The following SERPINB6 variants were observed in gnomAD, a reference collection of about 807,000 sequenced individuals.
SERPINB6 encodes serpin family B member 6, also known as serpin B6.
A neutral mutation model predicts 26.1 loss-of-function variants in SERPINB6; 16 were observed. The observed-to-expected ratio is 0.61, with a 90% confidence interval of 0.42 to 0.93. SERPINB6 has a LOEUF of 0.93. Ranked by LOEUF, SERPINB6 falls within the 40% of genes least tolerant of loss-of-function variation. SERPINB6 has a pLI of 0.00. For synonymous variants in SERPINB6, 174 were observed against 176.6 expected (o/e 0.99, Z 0.11); for missense variants, 420 against 478.0 (o/e 0.88, Z 1.13).
At chr6:2,971,666 A>C (rs2113382496), upstream of SERPINB6, 1 of 152,024 alleles carries the variant, frequency 6.6e-6, no homozygotes, top group Non-Finnish European at 1.5e-5. Context: ...GCGAAGGGAG[A>C]GGCGGGGCGG....
intron 1 of SERPINB6, chr6:2,969,128 A>G: frequency 9.8e-7 from 1 of 1,021,210 alleles, no homozygotes; most frequent in Non-Finnish European, 1.2e-6. Flanking sequence ...AAATAAATCC[A>G]CATTTAAAGT....
chr6:2,954,732 ACTGC>A (rs1394854098), intron 3 of SERPINB6, 23 bp from the exon 4 acceptor site: 2 of 1,540,566 alleles, frequency 1.3e-6, no homozygotes, highest in African/African-American at 2.7e-5. Context: ...GAGTGACATA[ACTGC>A]CTGGCTACAA....
chr6:2,959,201 C>A lies in SERPINB6; in HGVS notation c.132G>T (p.Gly44=), dbSNP rs756760483. 1.2e-6 allele frequency: 2 copies of A among 1,614,174 alleles called. No homozygotes were observed. Among genetic ancestry groups the A allele is most frequent in the Admixed American group, 3.3e-5 (2 of 60,024 alleles). Residue 44 remains glycine (G), a synonymous_variant, in exon 2 of 7, where the codon GGG becomes GGT. Coordinates refer to ENST00000380539, the MANE Select transcript of SERPINB6 (RefSeq NM_004568.6). ...TCTGTGCAGCGGTGTTTCCCTTTGC[C>A]CCCATGTAGACCATGGCCAGGGCAC... is the stretch of plus-strand genomic sequence containing the variant. ...MSCALAMVYM[G]AKGNTAAQMA...
chr6:2,951,243 G>C (rs780661044), intron 5 of SERPINB6, among the ~76,000 whole-genome samples: 112 of 151,900 alleles, frequency 7.4e-4, no homozygotes, highest in Non-Finnish European at 1.5e-3. Flanking sequence ...AAAATTAGCC[G>C]GGCATAGTGG....
chr6:2,948,263 G>A lies in SERPINB6; in HGVS notation c.*35C>T, dbSNP rs1431317997. On this transcript the variant is annotated 3_prime_UTR_variant, in exon 7 of 7. Coordinates refer to ENST00000380539, the MANE Select transcript of SERPINB6 (RefSeq NM_004568.6). This position sits in a 1 kb window ranked among gnomAD's most constrained non-coding sequence, Gnocchi z 5.0. Reference sequence around the variant, plus strand: ...ACACTGTGGAGTGTCAGGGGACAGAGAGGAGAGGGGCTGCACACCAAGACT... The same window carrying A: ...ACACTGTGGAGTGTCAGGGGACAGAAAGGAGAGGGGCTGCACACCAAGACT... The A allele has an allele frequency of 6.2e-7, 1 of 1,611,992 alleles. No homozygotes were observed.
chr6:2,968,437 C>G, intron 1 of SERPINB6: 1 of 968,918 alleles, frequency 1.0e-6, no homozygotes, highest in Non-Finnish European at 1.2e-6. Flanking sequence ...CGTATGTATC[C>G]TGAACCTAAA....
At chr6:2,963,077 T>C (rs1771287476) in intron 1 of SERPINB6, among the ~76,000 whole-genome samples, 1 of 152,128 alleles carries the variant, frequency 6.6e-6, no homozygotes, top group Non-Finnish European at 1.5e-5. Flanking sequence ...AACAATTTGA[T>C]GGTCTACCCA....
Position 2,948,827 on chromosome 6 carries a change from G to A in SERPINB6, c.729+87C>T. The A allele has an allele frequency of 6.3e-7, 1 of 1,592,754 alleles. No homozygotes were observed. Among genetic ancestry groups the A allele is most frequent in the Non-Finnish European group, 8.6e-7 (1 of 1,162,748 alleles). On this transcript the variant is annotated intron_variant, in intron 6 of 6. Coordinates refer to ENST00000380539, the MANE Select transcript of SERPINB6 (RefSeq NM_004568.6). This position sits in a 1 kb window ranked among gnomAD's most constrained non-coding sequence, Gnocchi z 5.0. ...GTCAGCAGCGCTCCAGTGTTAAACG[G>A]CTGACCGCAAAGTAGGGACAGCAGC...
At position 2,948,265 on chromosome 6, in the gene SERPINB6, G is replaced by A. The variant is rs947357597; in HGVS notation, c.*33C>T. Reference sequence around the variant, plus strand: ...ACTGTGGAGTGTCAGGGGACAGAGAGGAGAGGGGCTGCACACCAAGACTGC... The same window carrying A: ...ACTGTGGAGTGTCAGGGGACAGAGAAGAGAGGGGCTGCACACCAAGACTGC... On this transcript the variant is annotated 3_prime_UTR_variant, in exon 7 of 7. Transcript: ENST00000380539. This position sits in a 1 kb window ranked among gnomAD's most constrained non-coding sequence, Gnocchi z 5.0. 5.0e-6 allele frequency: 8 copies of A among 1,612,132 alleles called. No homozygotes were observed. The East Asian group carries it at 1.6e-4, about 31-fold the overall frequency.
intron 1 of SERPINB6, chr6:2,961,763 CA>C (rs35003117): frequency 4.9e-3 from 4,153 of 840,710 alleles, no homozygotes; most frequent in Middle Eastern, 6.1e-3. Context: ...CTCCATAAAC[CA>C]AAAAAAAAAG....
intron 1 of SERPINB6, chr6:2,969,755 T>C: frequency 1.0e-6 from 1 of 965,050 alleles, no homozygotes; most frequent in Non-Finnish European, 1.2e-6. Context: ...CTCTGTTTCC[T>C]TGTGCAGTGT....
chr6:2,955,205 A>AAC lies in SERPINB6; in HGVS notation c.312+318_312+319insGT, dbSNP rs58596629. Reference sequence around the variant, plus strand: ...ATTCTGTCTCAAAAAAAAAAAAACAAAAAAAAAAAAGCAAAAAACACTAAG... The same window carrying AAC: ...ATTCTGTCTCAAAAAAAAAAAAACAAACAAAAAAAAAAGCAAAAAACACTAAG... On this transcript the variant is annotated intron_variant, in intron 3 of 6. Transcript: ENST00000380539. 2,020 of 308,884 alleles carry AAC rather than the reference A, an allele frequency of 6.5e-3. 47 individuals carry two copies. The highest frequency in any genetic ancestry group is 0.04 in the African/African-American group (1,772 of 43,900). 19.1% of individuals were successfully genotyped at this position (308,884 alleles called of 1,614,324 possible). A position where few individuals can be genotyped will look rare whatever the true frequency, so the allele number is the denominator to read the frequency against.
upstream of SERPINB6, chr6:2,971,694 C>T (rs1028485319): frequency 9.9e-5 from 15 of 152,216 alleles, no homozygotes; most frequent in African/African-American, 3.1e-4. Flanking sequence ...GGGTCAACCC[C>T]ACCCGCCAGC....
intron 1 of SERPINB6, chr6:2,968,509 C>T: frequency 2.7e-6 from 3 of 1,131,016 alleles, no homozygotes; most frequent in South Asian, 8.9e-5. Context: ...TCTCTTCTGA[C>T]CTTATTCCCT....
intron 3 of SERPINB6, chr6:2,955,006 A>G (rs566494590): frequency 1.8e-4 from 64 of 361,078 alleles, no homozygotes; most frequent in African/African-American, 1.2e-3. Flanking sequence ...CCTGGCCAAC[A>G]TGGCGAAAGC....
chr6:2,949,307 C>T lies in SERPINB6; in HGVS notation c.574-238G>A, dbSNP rs1043639191. 3.3e-5 allele frequency among the ~76,000 whole-genome samples: 5 copies of T among 152,238 alleles called. No homozygotes were observed. The East Asian group carries it at 9.6e-4, about 29-fold the overall frequency. On this transcript the variant is annotated intron_variant, in intron 5 of 6. Transcript: ENST00000380539. Reference sequence around the variant, plus strand: ...TCATTGATCGCATTCAGTCTCATGGCTTTAAACACAATATCACACCAAATT... The same window carrying T: ...TCATTGATCGCATTCAGTCTCATGGTTTTAAACACAATATCACACCAAATT...
At chr6:2,961,447 G>A (rs1264843214) in intron 1 of SERPINB6, 6 of 152,170 alleles carry the variant, frequency 3.9e-5, no homozygotes, top group African/African-American at 1.4e-4. Context: ...AACAAAAGTA[G>A]CCATTACACG....
chr6:2,967,111 T>TG lies in SERPINB6; in HGVS notation c.-11+4421dup, dbSNP rs1308687226. 1.0e-6 allele frequency: 1 copy of TG among 985,126 alleles called. No individual in the cohort carries two copies. The highest frequency in any genetic ancestry group is 1.2e-6 in the Non-Finnish European group (1 of 829,760). The allele number at this position is 985,126 out of a possible 1,614,324, so 61.0% of individuals were successfully genotyped here. On this transcript the variant is annotated intron_variant, in intron 1 of 6. Transcript: ENST00000380539. The surrounding 1 kb of genome is among the most constrained non-coding windows in gnomAD (Gnocchi z 4.3). ...AGAAAATGATGTTTGTATGTCACTT[T>TG]GGGGCCAGGCTACTCACCCCAAAGG...
At chr6:2,969,462 G>A in intron 1 of SERPINB6, 1 of 971,590 alleles carries the variant, frequency 1.0e-6, no homozygotes. Flanking sequence ...TTTAATCACA[G>A]ACATAAAAAC....
Sources: gnomAD v4.1 joint callset for allele counts (sites outside exome capture counted in the v4.1 genomes callset) on GRCh38, gnomAD v4.1.1 for gene constraint, Gnocchi (gnomAD v3.1) non-coding constraint, MANE v1.5 for transcripts, NCBI Gene and HGNC (gene_info 2026-07-23, HGNC 2026-07-21) for gene names.